The following ETV7 variants were observed in gnomAD, a reference collection of about 807,000 sequenced individuals.
The protein encoded by ETV7 is transcription factor ETV7.
A neutral mutation model predicts 39.1 loss-of-function variants in ETV7; 43 were observed. The observed-to-expected ratio is 1.10, with a 90% CI of 0.86 to 1.42. The LOEUF (loss-of-function observed/expected upper bound fraction) is 1.42, where lower values mean the gene tolerates loss of function less well. Ranked by LOEUF, ETV7 falls within the 40% of genes most tolerant of loss-of-function variation. The probability of loss-of-function intolerance (pLI) is 0.00; values close to 1 mark genes in which losing one functional copy is unlikely to be tolerated. For missense variants in ETV7, 432 were observed against 442.3 expected, an observed-to-expected ratio of 0.98 and a Z score of 0.21; for synonymous variants, 196 against 176.6, an observed-to-expected ratio of 1.11 and a Z score of -0.87.
intron 4 of ETV7, 144 bp downstream of exon 4, chr6:36,373,309 C>G: frequency 9.9e-7 from 1 of 1,009,160 alleles, no homozygotes; most frequent in Non-Finnish European, 1.4e-6. Context: ...CAGGAACGCC[C>G]CAGAGCAGGA....
chr6:36,364,922 C>A (rs1404680736), downstream of ETV7, among the ~76,000 whole-genome samples: 1 of 152,186 alleles, frequency 6.6e-6, no homozygotes, highest in Non-Finnish European at 1.5e-5. Flanking sequence ...ACCTGCCTGC[C>A]CCCCTGCCGG....
At chr6:36,373,021 G>T (rs1279803860) in intron 4 of ETV7, among the ~76,000 whole-genome samples, 1 of 151,768 alleles carries the variant, frequency 6.6e-6, no homozygotes, top group Non-Finnish European at 1.5e-5. Context: ...GACCAGGTGA[G>T]TGGGGTGTTC....
intron 2 of ETV7, among the ~76,000 whole-genome samples, chr6:36,377,360 GGGA>G (rs1773429057): frequency 1.3e-5 from 2 of 152,140 alleles, no homozygotes; most frequent in African/African-American, 4.8e-5. Context: ...CCAGCTACTT[GGGA>G]AGCTGAGGTG....
At chr6:36,364,826 G>A (rs946592980), downstream of ETV7, among the ~76,000 whole-genome samples, 2 of 152,250 alleles carry the variant, frequency 1.3e-5, no homozygotes, top group African/African-American at 2.4e-5. Context: ...TGGGCTCATC[G>A]CAGAGCAAAG....
chr6:36,356,629 AC>A (rs1213954807), intron 7 of ETV7, among the ~76,000 whole-genome samples: 1 of 152,132 alleles, frequency 6.6e-6, no homozygotes, highest in African/African-American at 2.4e-5. Context: ...TGGATCATGC[AC>A]CATCTGGACC....
At chr6:36,362,513 C>T (rs941943239), downstream of ETV7, among the ~76,000 whole-genome samples, 2 of 152,082 alleles carry the variant, frequency 1.3e-5, no homozygotes, top group African/African-American at 4.8e-5. Flanking sequence ...AATGACCTGC[C>T]ACTTTTCAGG....
chr6:36,366,454 C>T lies in ETV7; in HGVS notation c.*191G>A. 1 of 1,448,554 alleles carries T rather than the reference C, an allele frequency of 6.9e-7. No individual in the cohort carries two copies. The highest frequency in any genetic ancestry group is 9.0e-7 in the Non-Finnish European group (1 of 1,105,826). The allele number at this position is 1,448,554 out of a possible 1,614,324, so 89.7% of individuals were successfully genotyped here. A position where few individuals can be genotyped will look rare whatever the true frequency, so the allele number is the denominator to read the frequency against. On this transcript the variant is annotated 3_prime_UTR_variant, in exon 8 of 8. Transcript: ENST00000340181. ...TCATTTAGCCCCAGGATTGCCCTGC[C>T]CAAAAGATGACACTCCTGCCCCCAG...
intron 3 of ETV7, among the ~76,000 whole-genome samples, chr6:36,373,934 G>A (rs985721033): frequency 2.6e-5 from 4 of 152,212 alleles, no homozygotes; most frequent in Admixed American, 6.5e-5. Context: ...TCACGTTCCT[G>A]GGAGCAGAGA....
At chr6:36,371,714 G>A (rs531427162) in intron 4 of ETV7, among the ~76,000 whole-genome samples, 154 bp from the exon 5 acceptor site, 1 of 152,346 alleles carries the variant, frequency 6.6e-6, no homozygotes, top group South Asian at 2.1e-4. Flanking sequence ...AGGCAGTGGG[G>A]GGCAGTGGGT....
chr6:36,369,906 T>TAAAAA (rs10664403), intron 5 of ETV7, among the ~76,000 whole-genome samples: 23 of 146,176 alleles, frequency 1.6e-4, no homozygotes, highest in African/African-American at 5.5e-4. Flanking sequence ...CCCTGTCTCT[T>TAAAAA]AAAAAAAAAA....
rs907762361 is a variant in ETV7 at position 36,377,610 on chromosome 6, C to G, written c.143-1575G>C. Among the ~76,000 whole-genome samples, 8 of 152,174 alleles carry G rather than the reference C, an allele frequency of 5.3e-5. No homozygotes were observed. In the East Asian group the frequency reaches 1.5e-3, roughly 29 times the overall value. Reference sequence around the variant, plus strand: ...CACCTTGGCAATGATAAAGACCAGACCAGCCTCTGCTCCCTTATACTCAAA... The same window carrying G: ...CACCTTGGCAATGATAAAGACCAGAGCAGCCTCTGCTCCCTTATACTCAAA... On this transcript the variant is annotated intron_variant, in intron 2 of 7. Transcript: ENST00000340181.
At chr6:36,382,654 C>A (rs1251311894) in intron 2 of ETV7, among the ~76,000 whole-genome samples, 1 of 152,206 alleles carries the variant, frequency 6.6e-6, no homozygotes, top group African/African-American at 2.4e-5. Flanking sequence ...TCTGTTCAAG[C>A]TTCCCAAAGG....
At chr6:36,366,068 G>A (rs1324748994), downstream of ETV7, 15 of 470,376 alleles carry the variant, frequency 3.2e-5, no homozygotes, top group South Asian at 8.9e-5. Flanking sequence ...CAGCTACTCC[G>A]GAGGCTGAGG....
chr6:36,354,538 C>T lies in ETV7; in HGVS notation c.*104G>A, dbSNP rs192666670. On this transcript the variant is annotated 3_prime_UTR_variant, in exon 8 of 8. Transcript: ENST00000339796. ...CTTAATCTATATCCTTATGCCATTA[C>T]CAATCTTTGTTGAGTACTATAGCTT... is the stretch of plus-strand genomic sequence containing the variant. The T allele has an allele frequency of 8.2e-5, 51 of 625,376 alleles. No homozygotes were observed. The East Asian group carries it at 1.4e-3, about 17-fold the overall frequency. 38.7% of individuals were successfully genotyped at this position (625,376 alleles called of 1,614,324 possible). A position where few individuals can be genotyped will look rare whatever the true frequency, so the allele number is the denominator to read the frequency against.
chr6:36,387,616 C>T lies in ETV7; in HGVS notation c.-75G>A. 4 of 1,559,412 alleles carry T rather than the reference C, an allele frequency of 2.6e-6. No homozygotes were observed. Among genetic ancestry groups the T allele is most frequent in the East Asian group, 2.3e-5 (1 of 44,238 alleles). Reference sequence around the variant, plus strand: ...TGGCTGTGGCTGCTGGGGCCCTAGGCCCGCGCCCCGCAGTCCTCCTCCGCC... The same window carrying T: ...TGGCTGTGGCTGCTGGGGCCCTAGGTCCGCGCCCCGCAGTCCTCCTCCGCC... On this transcript the variant is annotated 5_prime_UTR_variant, in exon 1 of 8. Coordinates refer to ENST00000340181, the MANE Select transcript of ETV7 (RefSeq NM_016135.4).
At chr6:36,364,078 A>G (rs543095464), downstream of ETV7, among the ~76,000 whole-genome samples, 5 of 152,254 alleles carry the variant, frequency 3.3e-5, no homozygotes, top group Non-Finnish European at 7.3e-5. Context: ...TGAGCTAGAT[A>G]CAGAGTGCCG....
At chr6:36,372,781 A>G (rs1773098498) in intron 4 of ETV7, among the ~76,000 whole-genome samples, 1 of 139,666 alleles carries the variant, frequency 7.2e-6, no homozygotes, top group African/African-American at 2.7e-5. Flanking sequence ...GCCCCAGTGG[A>G]GGGGTGGGGC....
intron 3 of ETV7, among the ~76,000 whole-genome samples, chr6:36,374,740 G>A (rs1773221514): frequency 6.6e-6 from 1 of 152,194 alleles, no homozygotes; most frequent in African/African-American, 2.4e-5. Context: ...TCCAGCAGCT[G>A]CTACAGGAGG....
chr6:36,387,660 C>G lies in ETV7; in HGVS notation c.-119G>C, dbSNP rs1773983998. 8.6e-7 allele frequency: 1 copy of G among 1,166,738 alleles called. No homozygotes were observed. The allele number at this position is 1,166,738 out of a possible 1,614,324, so 72.3% of individuals were successfully genotyped here. A position where few individuals can be genotyped will look rare whatever the true frequency, so the allele number is the denominator to read the frequency against. On this transcript the variant is annotated 5_prime_UTR_variant, in exon 1 of 8. Transcript: ENST00000340181. ...CTCCGCCAAACCCCTAACCTGGCTC[C>G]GAGAACTGGAAGGTCGCGTGGGAGG...
Sources: allele counts gnomAD v4.1 joint callset (sites outside exome capture counted in the v4.1 genomes callset), GRCh38; gene constraint gnomAD v4.1.1; transcripts MANE v1.5; gene names NCBI Gene and HGNC (gene_info 2026-07-23, HGNC 2026-07-21).